The following MSH4 variants were observed in gnomAD, a reference collection of about 807,000 sequenced individuals.
The protein encoded by MSH4 is mutS homolog 4.
MSH4 carries 106 observed loss-of-function variants against 113.7 expected under a neutral mutation model. The ratio of observed to expected loss-of-function variants is 0.93; its 90% confidence interval spans 0.80 to 1.10. The LOEUF is 1.10. Ranked by LOEUF, MSH4 falls within the 50% of genes least tolerant of loss-of-function variation. MSH4 has a pLI of 0.00. For missense variants in MSH4, 1,061 were observed against 1,093.7 expected (o/e 0.97, Z 0.42); for synonymous variants, 368 against 380.2 (o/e 0.97, Z 0.37).
At chr1:75,888,051 G>A (rs945801273) in intron 15 of MSH4, among the ~76,000 whole-genome samples, 9 of 149,852 alleles carry the variant, frequency 6.0e-5, no homozygotes, top group Non-Finnish European at 1.3e-4. Flanking sequence ...TATCTAGTAT[G>A]TCGAATGGTA....
At chr1:75,883,024 A>G (rs1202131075) in intron 14 of MSH4, among the ~76,000 whole-genome samples, 1 of 151,392 alleles carries the variant, frequency 6.6e-6, no homozygotes, top group Non-Finnish European at 1.5e-5. Flanking sequence ...TTTTTTTTTG[A>G]GACAGAGACT....
chr1:75,844,234 T>C lies in MSH4; in HGVS notation c.1163-3975T>C, dbSNP rs529741164. On this transcript the variant is annotated intron_variant, in intron 7 of 19. Transcript: ENST00000263187. ...ACCATGAGTCATTAAGAAATAGTTA[T>C]CATTGTTCACTGTATTTCAAGTATG... Among the ~76,000 whole-genome samples the C allele has an allele frequency of 2.6e-5, 4 of 152,390 alleles. No individual in the cohort carries two copies. In the South Asian group the frequency reaches 8.3e-4, roughly 32 times the overall value.
chr1:75,833,654 GA>G (rs1188072721), intron 7 of MSH4, among the ~76,000 whole-genome samples: 1 of 152,074 alleles, frequency 6.6e-6, no homozygotes, highest in African/African-American at 2.4e-5. Context: ...TCTAATCTTT[GA>G]CAAACCTGAC....
intron 9 of MSH4, among the ~76,000 whole-genome samples, chr1:75,872,706 G>T (rs1651741466): frequency 6.6e-6 from 1 of 152,208 alleles, no homozygotes; most frequent in Admixed American, 6.5e-5. Context: ...TTATCACAAT[G>T]AAATGAAAAT....
intron 1 of MSH4, 62 bp downstream of exon 1, chr1:75,797,291 C>T (rs899627486): frequency 1.4e-5 from 21 of 1,537,738 alleles, no homozygotes; most frequent in Non-Finnish European, 1.8e-5. Context: ...CATGGAGGCT[C>T]GGGGGCACGT....
At chr1:75,826,248 G>T (rs1650549552) in intron 7 of MSH4, among the ~76,000 whole-genome samples, 1 of 152,160 alleles carries the variant, frequency 6.6e-6, no homozygotes, top group Admixed American at 6.6e-5. Context: ...TAGTTTATTT[G>T]TGTAGAGGTG....
chr1:75,808,150 C>A lies in MSH4; in HGVS notation c.588+1009C>A, dbSNP rs947230053. The stretch of plus-strand genomic sequence containing the variant: ...CTTCAGGCAACTGTGTATGTGGTGA[C>A]CCATAGAAGTTTTTGATCTATCTCA... On this transcript the variant is annotated intron_variant, in intron 3 of 19. Transcript: ENST00000263187. Among the ~76,000 whole-genome samples the A allele has an allele frequency of 5.9e-5, 9 of 152,218 alleles. No homozygotes were observed. In the East Asian group the frequency reaches 1.7e-3, roughly 29 times the overall value.
intron 9 of MSH4, 108 bp from the exon 10 acceptor site, chr1:75,876,823 GGAAAT>G (rs1408312517): frequency 2.1e-6 from 1 of 474,168 alleles, no homozygotes; most frequent in Non-Finnish European, 3.7e-6. Flanking sequence ...ATATAAATGA[GGAAAT>G]GAAGAAAGCA....
rs953218865 is a variant in MSH4 at position 75,879,023 on chromosome 1, T to C, written c.1572T>C (p.Ser524=). 1 of 1,610,540 alleles carries C rather than the reference T, an allele frequency of 6.2e-7. No homozygotes were observed. The highest frequency in any genetic ancestry group is 8.5e-7 in the Non-Finnish European group (1 of 1,177,006). The part of the protein sequence containing the change: ...GMISQLGEKY[S]LPLRTSFSSA... ...TATCACAACTTGGAGAAAAATATAG[T>C]CTACCTTTAAGGACAAGTTTTAGCT... is the stretch of plus-strand genomic sequence containing the variant. The change falls in exon 12 of 20, where the codon AGT becomes AGC. Residue 524 remains serine (S), a synonymous_variant. Transcript: ENST00000263187.
chr1:75,873,116 A>G (rs1034536334), intron 9 of MSH4, among the ~76,000 whole-genome samples: 1 of 152,204 alleles, frequency 6.6e-6, no homozygotes, highest in Admixed American at 6.5e-5. Flanking sequence ...GTTTATTATT[A>G]TGCTAACAAA....
At chr1:75,908,756 T>C (rs1279517692) in intron 19 of MSH4, among the ~76,000 whole-genome samples, 1 of 152,170 alleles carries the variant, frequency 6.6e-6, no homozygotes, top group African/African-American at 2.4e-5. Context: ...TTCTTTGCAA[T>C]TGTCTGTGAT....
At chr1:75,838,441 G>C (rs960306667) in intron 7 of MSH4, among the ~76,000 whole-genome samples, 17 of 152,146 alleles carry the variant, frequency 1.1e-4, no homozygotes, top group African/African-American at 3.9e-4. Flanking sequence ...ATCCCAACTA[G>C]AAACTTCCTT....
intron 8 of MSH4, among the ~76,000 whole-genome samples, chr1:75,852,294 A>ATTT (rs1304147077): frequency 6.6e-6 from 1 of 152,164 alleles, no homozygotes; most frequent in Non-Finnish European, 1.5e-5. Context: ...GTTGATGGCT[A>ATTT]TTTAGGTTGT....
intron 7 of MSH4, among the ~76,000 whole-genome samples, chr1:75,835,035 G>A (rs924758827): frequency 2.0e-5 from 3 of 152,214 alleles, no homozygotes; most frequent in Admixed American, 6.5e-5. Flanking sequence ...GTAGTTGGAA[G>A]GATAGTTTAT....
At chr1:75,884,994 T>G (rs925461501) in intron 15 of MSH4, among the ~76,000 whole-genome samples, 1 of 146,914 alleles carries the variant, frequency 6.8e-6, no homozygotes. Context: ...TATATGTGTA[T>G]ATATATGTGT....
chr1:75,909,041 T>C (rs896006954), intron 19 of MSH4, among the ~76,000 whole-genome samples: 1 of 152,198 alleles, frequency 6.6e-6, no homozygotes, highest in Non-Finnish European at 1.5e-5. Flanking sequence ...CTGGAGTTTC[T>C]AATTCCACTC....
At chr1:75,882,027 A>T (rs1287214221) in intron 14 of MSH4, among the ~76,000 whole-genome samples, 1 of 152,082 alleles carries the variant, frequency 6.6e-6, no homozygotes, top group Non-Finnish European at 1.5e-5. Context: ...TTCTAATGTA[A>T]ATCAGCAGTA....
At chr1:75,879,290 T>C (rs1037258402) in intron 12 of MSH4, among the ~76,000 whole-genome samples, 162 bp downstream of exon 12, 1 of 152,184 alleles carries the variant, frequency 6.6e-6, no homozygotes, top group African/African-American at 2.4e-5. Context: ...CTAAGAGTGA[T>C]TTAGATGCTT....
intron 7 of MSH4, among the ~76,000 whole-genome samples, chr1:75,839,372 G>T (rs1257317425): frequency 1.6e-4 from 25 of 151,936 alleles, no homozygotes; most frequent in Admixed American, 1.6e-3. Context: ...CCACCACCAT[G>T]CCTGGCTAAT....
Sources: gnomAD v4.1 joint callset for allele counts (sites outside exome capture counted in the v4.1 genomes callset) on GRCh38, gnomAD v4.1.1 for gene constraint, MANE v1.5 for transcripts, NCBI Gene and HGNC (gene_info 2026-07-23, HGNC 2026-07-21) for gene names.